Variants in IVD observed in about 807,000 individuals in gnomAD.
The protein encoded by IVD is isovaleryl-CoA dehydrogenase, mitochondrial.
A neutral mutation model predicts 51.3 loss-of-function variants in IVD; 31 were observed. That is an observed-to-expected ratio of 0.60 (90% CI 0.45 to 0.81). The LOEUF (loss-of-function observed/expected upper bound fraction) is 0.81, where lower values mean the gene tolerates loss of function less well. IVD is among the 40% of genes least tolerant of loss of function. The pLI is 0.00. For missense variants in IVD, 475 were observed against 552.0 expected (o/e 0.86, Z 1.40); for synonymous variants, 205 against 219.4 (o/e 0.93, Z 0.58).
intron 4 of IVD, 152 bp from the exon 5 acceptor site, chr15:40,411,108 G>A: frequency 1.2e-6 from 1 of 835,608 alleles, no homozygotes; most frequent in Non-Finnish European, 2.1e-6. Flanking sequence ...TGTAGCCATT[G>A]GGCTTAGAAG....
At chr15:40,423,386 C>T (rs1425623326), downstream of IVD, among the ~76,000 whole-genome samples, 1 of 152,260 alleles carries the variant, frequency 6.6e-6, no homozygotes. Context: ...TAAGGGGCTT[C>T]TTTTGATAAT....
intron 3 of IVD, among the ~76,000 whole-genome samples, chr15:40,409,920 T>TCTG (rs1890873492): frequency 6.7e-6 from 1 of 149,468 alleles, no homozygotes; most frequent in Admixed American, 6.8e-5. Flanking sequence ...CTCTGCAAGC[T>TCTG]CCACCTGCCA....
downstream of IVD, among the ~76,000 whole-genome samples, chr15:40,423,587 G>A (rs1402160950): frequency 3.9e-5 from 6 of 151,962 alleles, no homozygotes; most frequent in Non-Finnish European, 7.4e-5. Flanking sequence ...TCAGCCTCCC[G>A]AGTAGCTGGG....
chr15:40,422,832 T>G (rs576121125), downstream of IVD, among the ~76,000 whole-genome samples: 1 of 140,520 alleles, frequency 7.1e-6, no homozygotes, highest in Admixed American at 7.3e-5. Flanking sequence ...AGCCCTGGCC[T>G]CAATTGATCC....
At chr15:40,434,688 G>C (rs1446815723) in intron 8 of IVD, among the ~76,000 whole-genome samples, 2 of 152,220 alleles carry the variant, frequency 1.3e-5, no homozygotes, top group Non-Finnish European at 2.9e-5. Context: ...TTTCCAGGAA[G>C]TCAGGCTTGG....
chr15:40,410,319 C>T (rs1010135118), intron 3 of IVD, among the ~76,000 whole-genome samples: 41 of 152,262 alleles, frequency 2.7e-4, no homozygotes, highest in African/African-American at 9.6e-4. Flanking sequence ...CTCTGCATTT[C>T]TGTAACTTTC....
Position 40,405,800 on chromosome 15 carries a change from C to T in IVD, c.-28C>T, listed in dbSNP as rs768768724. ...GTGGAGCTAAGAGCTGGCTCAGTTT[C>T]AGCGCTGGCTCTTCGTGCATGGCAG... On this transcript the variant is annotated 5_prime_UTR_variant, in exon 1 of 12. Coordinates refer to ENST00000487418, the MANE Select transcript of IVD (RefSeq NM_002225.5). 1.9e-6 allele frequency: 3 copies of T among 1,606,544 alleles called. No homozygotes were observed. The highest frequency in any genetic ancestry group is 1.7e-6 in the Non-Finnish European group (2 of 1,174,282).
At chr15:40,435,496 T>C in exon 9 of IVD, 1 of 1,255,738 alleles carries the variant, frequency 8.0e-7, no homozygotes, top group Non-Finnish European at 1.0e-6. Context: ...AGGTGAGCAC[T>C]GCGAGGGAAC....
chr15:40,418,289 C>G lies in IVD; in HGVS notation c.*26C>G. ...TCCTGAGACCCTTCGCCCCCTTTTC[C>G]TGCACCTAGTGGCCTTTCTTGGGAA... On this transcript the variant is annotated 3_prime_UTR_variant, in exon 12 of 12. Coordinates refer to ENST00000487418, the MANE Select transcript of IVD (RefSeq NM_002225.5). 1 of 1,613,466 alleles carries G rather than the reference C, an allele frequency of 6.2e-7. No homozygotes were observed. Among genetic ancestry groups the G allele is most frequent in the Non-Finnish European group, 8.5e-7 (1 of 1,179,696 alleles).
chr15:40,408,932 G>A (rs1166365460), intron 3 of IVD, among the ~76,000 whole-genome samples: 10 of 151,908 alleles, frequency 6.6e-5, no homozygotes, highest in African/African-American at 2.2e-4. Flanking sequence ...CCTGGGCAAC[G>A]GAGCGAAACT....
At chr15:40,423,192 C>G (rs182553502), downstream of IVD, among the ~76,000 whole-genome samples, 7 of 152,322 alleles carry the variant, frequency 4.6e-5, no homozygotes, top group African/African-American at 1.7e-4. Flanking sequence ...CCTGCCTCCA[C>G]TTTCCAAAGT....
At chr15:40,412,925 C>G (rs1295961306) in intron 6 of IVD, 66 bp from the exon 7 acceptor site, 2 of 1,307,706 alleles carry the variant, frequency 1.5e-6, no homozygotes, top group Non-Finnish European at 2.2e-6. Context: ...TTCCCAGAGG[C>G]CTTTCCTTTA....
At chr15:40,415,058 C>G (rs796358489) in intron 8 of IVD, 76 bp downstream of exon 8, 8 of 1,560,208 alleles carry the variant, frequency 5.1e-6, no homozygotes, top group African/African-American at 2.7e-5. Context: ...GCAGCAGCAG[C>G]CTTCCCCTTG....
chr15:40,422,262 T>G (rs1354710102), downstream of IVD, among the ~76,000 whole-genome samples: 1 of 152,074 alleles, frequency 6.6e-6, no homozygotes, highest in Non-Finnish European at 1.5e-5. Flanking sequence ...GGGAAGCCTA[T>G]CCTCTATTAC....
chr15:40,408,275 C>G (rs1890680942), intron 3 of IVD, among the ~76,000 whole-genome samples: 1 of 152,362 alleles, frequency 6.6e-6, no homozygotes, highest in East Asian at 1.9e-4. Flanking sequence ...TAGGCTCACC[C>G]AGGTGATTTG....
intron 1 of IVD, chr15:40,406,172 T>C (rs1890388338): frequency 1.3e-6 from 2 of 1,538,312 alleles, no homozygotes; most frequent in East Asian, 2.5e-5. Flanking sequence ...CTCACGTCTG[T>C]GGAGTGAAGA....
chr15:40,420,247 G>A lies in IVD; in HGVS notation c.*1984G>A, dbSNP rs969539454. 13 of 987,270 alleles carry A rather than the reference G, an allele frequency of 1.3e-5. No individual in the cohort carries two copies. Among genetic ancestry groups the A allele is most frequent in the Admixed American group, 1.2e-4 (2 of 16,274 alleles). 61.2% of individuals were successfully genotyped at this position (987,270 alleles called of 1,614,324 possible). On this transcript the variant is annotated 3_prime_UTR_variant, in exon 12 of 12. Transcript: ENST00000487418. ...GAGCCCTTGTGCACCGCCCTGCCACGGGCACCATCCAGTCCTGGCCGTGTG... is the reference window on the plus strand; with the variant it reads ...GAGCCCTTGTGCACCGCCCTGCCACAGGCACCATCCAGTCCTGGCCGTGTG...
At chr15:40,410,303 A>G (rs1483192441) in intron 3 of IVD, among the ~76,000 whole-genome samples, 2 of 152,130 alleles carry the variant, frequency 1.3e-5, no homozygotes, top group African/African-American at 4.8e-5. Flanking sequence ...TCATTTATTC[A>G]TCTGCCTCTG....
In IVD at chr15:40,416,122, G is replaced by A. The variant is rs570369496; in HGVS notation, c.1005G>A (p.Ala335=). The A allele has an allele frequency of 2.5e-5, 41 of 1,614,258 alleles. No homozygotes were observed. The highest frequency in any genetic ancestry group is 1.2e-4 in the African/African-American group (9 of 75,078). ...CTGACATGTACACCCGCCTCATGGCGTGTCGGCAGTATGTCTACAATGTCG... is the reference window on the plus strand; with the variant it reads ...CTGACATGTACACCCGCCTCATGGCATGTCGGCAGTATGTCTACAATGTCG... The part of the protein sequence containing the change: ...KMADMYTRLM[A]CRQYVYNVAK... Residue 335 remains alanine (A), a synonymous_variant, in exon 10 of 12, where the codon GCG becomes GCA. Transcript: ENST00000487418.
Sources: allele counts gnomAD v4.1 joint callset (sites outside exome capture counted in the v4.1 genomes callset), GRCh38; gene constraint gnomAD v4.1.1; transcripts MANE v1.5; gene names NCBI Gene and HGNC (gene_info 2026-07-23, HGNC 2026-07-21).